MITF: variants seen among roughly 807,000 people sequenced by gnomAD.
MITF encodes the protein microphthalmia-associated transcription factor.
A neutral mutation model predicts 60.5 loss-of-function variants in MITF; 17 were observed. That is an observed-to-expected ratio of 0.28 (90% CI 0.19 to 0.42). The LOEUF (loss-of-function observed/expected upper bound fraction) is 0.42. MITF is among the 10% of genes least tolerant of loss of function. The probability of loss-of-function intolerance (pLI) is 1.00; values close to 1 mark genes in which losing one functional copy is unlikely to be tolerated. For synonymous variants in MITF, 260 were observed against 248.5 expected, an observed-to-expected ratio of 1.05 and a Z score of -0.43; for missense variants, 622 against 683.5, an observed-to-expected ratio of 0.91 and a Z score of 1.00.
At chr3:69,842,546 C>T (rs2063658068) in intron 1 of MITF, among the ~76,000 whole-genome samples, 1 of 152,130 alleles carries the variant, frequency 6.6e-6, no homozygotes. Flanking sequence ...GAGTGTGATG[C>T]ATAACACTCT....
chr3:69,870,503 C>G (rs1469959116), intron 1 of MITF, among the ~76,000 whole-genome samples: 3 of 148,054 alleles, frequency 2.0e-5, no homozygotes, highest in Non-Finnish European at 4.5e-5. Context: ...GGCGGGATAT[C>G]CGCTCACTGC....
intron 2 of MITF, among the ~76,000 whole-genome samples, chr3:69,915,990 C>T (rs898790587): frequency 6.6e-6 from 1 of 152,206 alleles, no homozygotes; most frequent in African/African-American, 2.4e-5. Flanking sequence ...GATGATTCTG[C>T]AGCCAAAGCA....
intron 6 of MITF, among the ~76,000 whole-genome samples, chr3:69,949,910 A>G (rs982019255): frequency 6.6e-6 from 1 of 152,166 alleles, no homozygotes; most frequent in Non-Finnish European, 1.5e-5. Flanking sequence ...GATTGGATGA[A>G]CAGACTGAGA....
At chr3:69,830,628 A>G (rs1417181859) in intron 1 of MITF, among the ~76,000 whole-genome samples, 1 of 152,002 alleles carries the variant, frequency 6.6e-6, no homozygotes, top group Non-Finnish European at 1.5e-5. Context: ...CAAAGTGGGG[A>G]TGTTTGTCTC....
At chr3:69,942,760 C>G (rs2065998638) in intron 5 of MITF, among the ~76,000 whole-genome samples, 1 of 152,120 alleles carries the variant, frequency 6.6e-6, no homozygotes, top group Non-Finnish European at 1.5e-5. Context: ...TTATCTAGCA[C>G]TCAGAATCCT....
At chr3:69,933,653 ATATTT>A (rs1455959469) in intron 2 of MITF, among the ~76,000 whole-genome samples, 1 of 152,202 alleles carries the variant, frequency 6.6e-6, no homozygotes, top group Non-Finnish European at 1.5e-5. Context: ...TCAATAAATA[ATATTT>A]TATGATAAAG....
chr3:69,967,439 A>T lies in MITF; in HGVS notation c.*2191A>T, dbSNP rs2066717171. On this transcript the variant is annotated 3_prime_UTR_variant, in exon 10 of 10. Transcript: ENST00000352241. Reference sequence around the variant, plus strand: ...CTGGATGCAAAAGTTGAAGATCGTGATGCTATGATGTTAGTTTTCCTTAGC... The same window carrying T: ...CTGGATGCAAAAGTTGAAGATCGTGTTGCTATGATGTTAGTTTTCCTTAGC... 1 of 233,252 alleles carries T rather than the reference A, an allele frequency of 4.3e-6. No individual in the cohort carries two copies. Among genetic ancestry groups the T allele is most frequent in the Non-Finnish European group, 8.5e-6 (1 of 117,824 alleles). The allele number at this position is 233,252 out of a possible 1,614,324, so 14.4% of individuals were successfully genotyped here. A position where few individuals can be genotyped will look rare whatever the true frequency, so the allele number is the denominator to read the frequency against.
chr3:69,849,174 C>CG (rs1365311179), intron 1 of MITF, among the ~76,000 whole-genome samples: 1 of 151,396 alleles, frequency 6.6e-6, no homozygotes, highest in East Asian at 1.9e-4. Context: ...CCATTTTAGC[C>CG]GGGGTGGTCT....
At chr3:69,784,491 A>G (rs79806715) in intron 1 of MITF, among the ~76,000 whole-genome samples, 1 of 152,134 alleles carries the variant, frequency 6.6e-6, no homozygotes, top group Non-Finnish European at 1.5e-5. Flanking sequence ...TTTAGTGTCA[A>G]AGATTTTGAG....
intron 1 of MITF, among the ~76,000 whole-genome samples, chr3:69,841,141 T>C (rs997029479): frequency 6.6e-6 from 1 of 152,222 alleles, no homozygotes. Context: ...TTTCACCTTT[T>C]AGTAGATGAG....
intron 1 of MITF, among the ~76,000 whole-genome samples, chr3:69,770,251 T>C (rs2062372456): frequency 1.3e-5 from 2 of 152,220 alleles, no homozygotes; most frequent in African/African-American, 4.8e-5. Context: ...ATGATGTTGC[T>C]TGAAAATTCT....
intron 2 of MITF, among the ~76,000 whole-genome samples, chr3:69,929,441 G>A (rs974769384): frequency 3.3e-5 from 5 of 152,142 alleles, no homozygotes; most frequent in South Asian, 2.1e-4. Flanking sequence ...TAGAATCTAC[G>A]TGGAGAACTA....
intron 2 of MITF, 61 bp from the exon 3 acceptor site, chr3:69,937,761 G>T: frequency 7.1e-7 from 1 of 1,405,376 alleles, no homozygotes; most frequent in Non-Finnish European, 1.0e-6. Flanking sequence ...CCTGAAGGAA[G>T]AGCCGTCTGA....
intron 1 of MITF, among the ~76,000 whole-genome samples, chr3:69,747,644 A>G (rs372604729): frequency 3.9e-5 from 6 of 152,392 alleles, no homozygotes; most frequent in African/African-American, 7.2e-5. Flanking sequence ...AATCTTTGTT[A>G]TAAGTGTTTA....
chr3:69,884,158 A>C (rs924570829), intron 2 of MITF, among the ~76,000 whole-genome samples: 1 of 152,160 alleles, frequency 6.6e-6, no homozygotes, highest in Non-Finnish European at 1.5e-5. Flanking sequence ...TAACAGATTT[A>C]AACAATGCAG....
intron 1 of MITF, among the ~76,000 whole-genome samples, chr3:69,798,546 G>A (rs1261592514): frequency 2.6e-5 from 4 of 152,218 alleles, no homozygotes; most frequent in African/African-American, 9.6e-5. Flanking sequence ...TCATTTTCAT[G>A]ATTAGACTGT....
intron 1 of MITF, among the ~76,000 whole-genome samples, chr3:69,804,966 C>G (rs1413925861): frequency 6.6e-6 from 1 of 152,214 alleles, no homozygotes; most frequent in East Asian, 1.9e-4. Context: ...ATGTGTATTG[C>G]TAATGGTTCT....
intron 1 of MITF, among the ~76,000 whole-genome samples, chr3:69,842,827 C>T (rs1390488893): frequency 1.3e-5 from 2 of 152,176 alleles, no homozygotes; most frequent in African/African-American, 4.8e-5. Flanking sequence ...TCCCCATCAC[C>T]ACCCCAGGGG....
chr3:69,816,879 T>C (rs888024282), intron 1 of MITF, among the ~76,000 whole-genome samples: 56 of 152,260 alleles, frequency 3.7e-4, no homozygotes, highest in Non-Finnish European at 5.3e-4. Context: ...GGATGTTACA[T>C]AGAAAAAAAT....
Sources: allele counts gnomAD v4.1 joint callset (sites outside exome capture counted in the v4.1 genomes callset), GRCh38; gene constraint gnomAD v4.1.1; transcripts MANE v1.5; gene names NCBI Gene and HGNC (gene_info 2026-07-23, HGNC 2026-07-21).